Variants in PABPC4L observed in about 807,000 individuals in gnomAD.
The protein encoded by PABPC4L is polyadenylate-binding protein 4-like.
For synonymous variants in PABPC4L, 169 were observed against 164.1 expected, an observed-to-expected ratio of 1.03 and a Z score of -0.23; for missense variants, 452 against 451.4, an observed-to-expected ratio of 1.00 and a Z score of -0.01.
chr4:134,128,657 C>T, the PABPC4L span, among the ~76,000 whole-genome samples: 3 of 152,220 alleles, frequency 2.0e-5, no homozygotes, highest in South Asian at 6.2e-4. Context: ...CTAAAAGAAG[C>T]TCTAAATCTT....
At chr4:134,055,114 T>C in the PABPC4L span, among the ~76,000 whole-genome samples, 1 of 152,052 alleles carries the variant, frequency 6.6e-6, no homozygotes, top group Non-Finnish European at 1.5e-5. Flanking sequence ...TTTATGGATT[T>C]ATATGCTGAT....
chr4:134,181,658 A>T, the PABPC4L span, among the ~76,000 whole-genome samples: 5 of 152,154 alleles, frequency 3.3e-5, no homozygotes, highest in South Asian at 6.2e-4. Context: ...GATATGATAA[A>T]CTACTTCAGC....
chr4:133,984,250 G>C, the PABPC4L span, among the ~76,000 whole-genome samples: 2 of 151,834 alleles, frequency 1.3e-5, no homozygotes, highest in African/African-American at 4.8e-5. Flanking sequence ...CTGTGAAGGG[G>C]TAAGTAGGTA....
the PABPC4L span, among the ~76,000 whole-genome samples, chr4:134,080,281 G>A: frequency 6.6e-6 from 1 of 152,118 alleles, no homozygotes; most frequent in Non-Finnish European, 1.5e-5. Flanking sequence ...TCTAAGAAGT[G>A]TTATTCATGA....
At chr4:133,965,346 C>T in the PABPC4L span, among the ~76,000 whole-genome samples, 107 of 152,166 alleles carry the variant, frequency 7.0e-4, no homozygotes, top group African/African-American at 2.5e-3. Context: ...AAACACATCC[C>T]ATGTTCATGG....
the PABPC4L span, among the ~76,000 whole-genome samples, chr4:134,135,249 G>A: frequency 1.3e-5 from 2 of 152,034 alleles, no homozygotes; most frequent in African/African-American, 2.4e-5. Flanking sequence ...GGGTAAGTGA[G>A]CAAGTTTTCT....
the PABPC4L span, among the ~76,000 whole-genome samples, chr4:134,056,633 A>G: frequency 2.0e-5 from 3 of 151,960 alleles, no homozygotes; most frequent in East Asian, 5.8e-4. Context: ...TTAAATTATT[A>G]ATATCTAATG....
the PABPC4L span, among the ~76,000 whole-genome samples, chr4:134,113,301 T>G: frequency 6.6e-6 from 1 of 151,966 alleles, no homozygotes; most frequent in Non-Finnish European, 1.5e-5. Context: ...CACCACTCAC[T>G]CACTGACTCA....
chr4:134,042,081 A>G, the PABPC4L span, among the ~76,000 whole-genome samples: 10 of 152,350 alleles, frequency 6.6e-5, no homozygotes, highest in South Asian at 2.1e-3. Flanking sequence ...ACACATATAT[A>G]TAATGAAATA....
At chr4:134,105,839 T>C in the PABPC4L span, among the ~76,000 whole-genome samples, 3 of 151,734 alleles carry the variant, frequency 2.0e-5, no homozygotes, top group Non-Finnish European at 4.4e-5. Context: ...AAGAAAATTA[T>C]GTGATTCATG....
chr4:134,135,582 C>T, the PABPC4L span, among the ~76,000 whole-genome samples: 1 of 152,028 alleles, frequency 6.6e-6, no homozygotes, highest in Non-Finnish European at 1.5e-5. Context: ...ACCGTAATCC[C>T]GGCACTTGGG....
At chr4:134,168,291 G>C in the PABPC4L span, among the ~76,000 whole-genome samples, 1 of 151,906 alleles carries the variant, frequency 6.6e-6, no homozygotes, top group Non-Finnish European at 1.5e-5. Context: ...TAAAAGGAAT[G>C]TTTATAGCAA....
the PABPC4L span, among the ~76,000 whole-genome samples, chr4:134,187,057 G>A: frequency 6.6e-6 from 1 of 152,076 alleles, no homozygotes; most frequent in Non-Finnish European, 1.5e-5. Flanking sequence ...GTGCTGGAGA[G>A]GATGTGGAGA....
intron 1 of PABPC4L, among the ~76,000 whole-genome samples, 157 bp from the exon 2 acceptor site, chr4:134,201,402 T>C (rs929433435): frequency 9.2e-5 from 14 of 151,900 alleles, no homozygotes; most frequent in East Asian, 3.9e-4. Flanking sequence ...CTCAGAGTGG[T>C]TTAAAGTTAC....
the PABPC4L span, among the ~76,000 whole-genome samples, chr4:134,148,059 G>A: frequency 6.6e-6 from 1 of 152,024 alleles, no homozygotes; most frequent in Non-Finnish European, 1.5e-5. Context: ...AGAGTGGTGT[G>A]AATTCCATAA....
At chr4:134,144,730 A>G in the PABPC4L span, among the ~76,000 whole-genome samples, 2 of 151,732 alleles carry the variant, frequency 1.3e-5, no homozygotes, top group Non-Finnish European at 1.5e-5. Context: ...ATTTGCCTTT[A>G]GATCTATTTT....
At chr4:133,986,383 T>G in the PABPC4L span, among the ~76,000 whole-genome samples, 1 of 152,030 alleles carries the variant, frequency 6.6e-6, no homozygotes, top group African/African-American at 2.4e-5. Flanking sequence ...ATGAAGCACA[T>G]TGATGACTTT....
At chr4:134,185,513 A>G in the PABPC4L span, among the ~76,000 whole-genome samples, 1 of 152,134 alleles carries the variant, frequency 6.6e-6, no homozygotes, top group Non-Finnish European at 1.5e-5. Context: ...CTCTCAATAA[A>G]CTAGGTATTG....
chr4:133,965,173 T>C, the PABPC4L span, among the ~76,000 whole-genome samples: 1 of 151,994 alleles, frequency 6.6e-6, no homozygotes. Context: ...TACACATCAA[T>C]AGTGACCAAG....
Sources: gnomAD v4.1 joint callset for allele counts (sites outside exome capture counted in the v4.1 genomes callset) on GRCh38, gnomAD v4.1.1 for gene constraint, MANE v1.5 for transcripts, NCBI Gene and HGNC (gene_info 2026-07-23, HGNC 2026-07-21) for gene names.